CNTN5: variants seen among roughly 807,000 people sequenced by gnomAD.
CNTN5 encodes the protein contactin 5.
In CNTN5, 77 loss-of-function variants were observed where a neutral mutation model predicts 129.1. The observed-to-expected ratio is 0.60, with a 90% CI of 0.50 to 0.72. The LOEUF is 0.72. Ranked by LOEUF, CNTN5 falls within the 30% of genes least tolerant of loss-of-function variation. CNTN5 has a pLI of 0.00. For missense variants in CNTN5, 1,478 were observed against 1,328.8 expected (o/e 1.11, Z -1.75); for synonymous variants, 509 against 465.6 (o/e 1.09, Z -1.20).
intron 8 of CNTN5, among the ~76,000 whole-genome samples, chr11:99,999,828 T>C (rs1404474174): frequency 6.6e-6 from 1 of 151,976 alleles, no homozygotes; most frequent in Non-Finnish European, 1.5e-5. Flanking sequence ...TACGCAGCCA[T>C]AAAAAATGAT....
At position 100,230,752 on chromosome 11, in the gene CNTN5, C is replaced by T. The variant is rs533139202; in HGVS notation, c.2005+5940C>T. On this transcript the variant is annotated intron_variant, in intron 16 of 24. Transcript: ENST00000524871. ...TTTTAGGCACTGATATCTCCGTCAA[C>T]TGACTGAGACATTCTCAGGTTTCTT... Among the ~76,000 whole-genome samples the T allele has an allele frequency of 7.2e-5, 11 of 152,342 alleles. No individual in the cohort carries two copies. The East Asian group carries it at 1.9e-3, about 27-fold the overall frequency.
chr11:100,162,437 T>C (rs1268921607), intron 13 of CNTN5, among the ~76,000 whole-genome samples: 7 of 151,946 alleles, frequency 4.6e-5, no homozygotes, highest in Non-Finnish European at 1.5e-5. Context: ...TTATAAATTA[T>C]TCATAATTTG....
chr11:99,661,128 G>A (rs1952578602), intron 3 of CNTN5, among the ~76,000 whole-genome samples: 1 of 151,968 alleles, frequency 6.6e-6, no homozygotes, highest in Admixed American at 6.6e-5. Flanking sequence ...CTATAATATG[G>A]GTAGTATTAA....
chr11:99,207,092 T>C (rs1191707448), intron 1 of CNTN5, among the ~76,000 whole-genome samples: 1 of 152,136 alleles, frequency 6.6e-6, no homozygotes, highest in East Asian at 1.9e-4. Flanking sequence ...ATTCTAATTA[T>C]TTTTATTTGC....
chr11:99,364,807 G>T (rs1233949903), intron 2 of CNTN5, among the ~76,000 whole-genome samples: 2 of 152,090 alleles, frequency 1.3e-5, no homozygotes, highest in Non-Finnish European at 1.5e-5. Flanking sequence ...GGAGTTAAGT[G>T]AGCCATGTAG....
chr11:100,165,462 G>A (rs971327413), intron 13 of CNTN5, among the ~76,000 whole-genome samples: 9 of 132,112 alleles, frequency 6.8e-5, no homozygotes, highest in Admixed American at 2.3e-4. Flanking sequence ...AGTGACTAAT[G>A]TATCAAAAGA....
At chr11:100,264,587 A>T (rs1171511405) in intron 17 of CNTN5, among the ~76,000 whole-genome samples, 1 of 151,732 alleles carries the variant, frequency 6.6e-6, no homozygotes, top group Non-Finnish European at 1.5e-5. Context: ...ACTACATAAT[A>T]CTCCGTGGTG....
At chr11:100,227,691 A>T (rs1295517975) in intron 16 of CNTN5, among the ~76,000 whole-genome samples, 1 of 152,206 alleles carries the variant, frequency 6.6e-6, no homozygotes, top group Non-Finnish European at 1.5e-5. Context: ...AGAAAAAATT[A>T]TTTTGCTGAA....
chr11:99,450,257 AATATATATATATAT>A (rs56270711), intron 2 of CNTN5, among the ~76,000 whole-genome samples: 2 of 145,950 alleles, frequency 1.4e-5, no homozygotes, highest in African/African-American at 5.1e-5. Context: ...TGCTGGTAGA[AATATATATATATAT>A]ATATATATAT....
chr11:99,819,296 TCCC>T (rs2135552172), intron 3 of CNTN5, among the ~76,000 whole-genome samples: 2 of 53,510 alleles, frequency 3.7e-5, no homozygotes, highest in African/African-American at 8.5e-5. Flanking sequence ...TCTCCTCTCC[TCCC>T]CTTCCCTCCC....
chr11:99,149,037 G>A (rs1859922434), intron 1 of CNTN5, among the ~76,000 whole-genome samples: 1 of 152,056 alleles, frequency 6.6e-6, no homozygotes, highest in South Asian at 2.1e-4. Flanking sequence ...AAGGAAAATG[G>A]CAGAGAAATG....
intron 3 of CNTN5, among the ~76,000 whole-genome samples, chr11:99,806,640 C>T (rs1177043434): frequency 6.6e-6 from 1 of 151,894 alleles, no homozygotes; most frequent in Non-Finnish European, 1.5e-5. Context: ...AACCCTGTCT[C>T]TGCTAAAAAT....
intron 17 of CNTN5, among the ~76,000 whole-genome samples, chr11:100,259,805 A>C: frequency 6.6e-6 from 1 of 152,086 alleles, no homozygotes; most frequent in Non-Finnish European, 1.5e-5. Context: ...AGTGTTTAGA[A>C]GGAAATTTAT....
chr11:99,130,605 G>A lies in CNTN5; in HGVS notation c.-210+109335G>A, dbSNP rs188182778. Among the ~76,000 whole-genome samples, 9 of 152,236 alleles carry A rather than the reference G, an allele frequency of 5.9e-5. No individual in the cohort carries two copies. In the East Asian group the frequency reaches 1.5e-3, roughly 26 times the overall value. On this transcript the variant is annotated intron_variant, in intron 1 of 24. Coordinates refer to ENST00000524871, the MANE Select transcript of CNTN5 (RefSeq NM_014361.4). The stretch of plus-strand genomic sequence containing the variant: ...GGACTCGAACTCAGCTCTGGACCAA[G>A]TGGACCTAATAGATATCTACAGAAC...
chr11:99,188,584 C>T (rs1447759666), intron 1 of CNTN5, among the ~76,000 whole-genome samples: 1 of 151,704 alleles, frequency 6.6e-6, no homozygotes, highest in African/African-American at 2.4e-5. Context: ...TCTTATATCC[C>T]ACTATATGAA....
At chr11:100,055,413 A>G (rs1943176000) in intron 9 of CNTN5, among the ~76,000 whole-genome samples, 2 of 151,542 alleles carry the variant, frequency 1.3e-5, no homozygotes, top group South Asian at 4.2e-4. Context: ...TGCATCTTAA[A>G]CTTTCTTTCT....
chr11:99,155,915 A>G lies in CNTN5; in HGVS notation c.-210+134645A>G, dbSNP rs1432702718. Among the ~76,000 whole-genome samples, 7 of 152,134 alleles carry G rather than the reference A, an allele frequency of 4.6e-5. No homozygotes were observed. The East Asian group carries it at 7.7e-4, about 17-fold the overall frequency. On this transcript the variant is annotated intron_variant, in intron 1 of 24. Coordinates refer to ENST00000524871, the MANE Select transcript of CNTN5 (RefSeq NM_014361.4). The stretch of plus-strand genomic sequence containing the variant: ...TCTGTACCAAAGAGGAAGAACGACT[A>G]TATTATACTCTTCTAGGGAATAATT...
chr11:99,369,045 G>T (rs1939647709), intron 2 of CNTN5, among the ~76,000 whole-genome samples: 1 of 151,606 alleles, frequency 6.6e-6, no homozygotes, highest in Admixed American at 6.6e-5. Flanking sequence ...ACCCTTCCCT[G>T]CCACAGAGTC....
chr11:100,167,538 G>A (rs1267101885), intron 13 of CNTN5, among the ~76,000 whole-genome samples: 4 of 151,766 alleles, frequency 2.6e-5, no homozygotes, highest in Admixed American at 2.6e-4. Flanking sequence ...TAATATAATG[G>A]AGAAGCTTAT....
Sources: allele counts gnomAD v4.1 joint callset (sites outside exome capture counted in the v4.1 genomes callset), GRCh38; gene constraint gnomAD v4.1.1; transcripts MANE v1.5; gene names NCBI Gene and HGNC (gene_info 2026-07-23, HGNC 2026-07-21).